RAP1A: variants seen among roughly 807,000 people sequenced by gnomAD.
RAP1A encodes ras-related protein Rap-1A.
Under a neutral mutation model 26.4 loss-of-function variants are expected in RAP1A, and 6 were observed. That is an observed-to-expected ratio of 0.23 (90% confidence interval 0.12 to 0.45). The LOEUF is 0.45. Ranked by LOEUF, RAP1A falls within the 20% of genes least tolerant of loss-of-function variation. The pLI, the probability that RAP1A is intolerant of heterozygous loss-of-function variation, is 0.99. For synonymous variants in RAP1A, 73 were observed against 79.4 expected (o/e 0.92, Z 0.43); for missense variants, 121 against 217.2 (o/e 0.56, Z 2.78).
At chr1:111,565,181 A>T (rs565524767) in intron 1 of RAP1A, among the ~76,000 whole-genome samples, 42 of 152,320 alleles carry the variant, frequency 2.8e-4, no homozygotes, top group Middle Eastern at 3.4e-3. Context: ...AATGGGAAGG[A>T]GGCCAGTGTG....
chr1:111,676,356 TA>T (rs974619123), intron 1 of RAP1A, among the ~76,000 whole-genome samples: 1 of 151,588 alleles, frequency 6.6e-6, no homozygotes, highest in Non-Finnish European at 1.5e-5. Context: ...GTCTCAAAAA[TA>T]AAAAATAAAT....
chr1:111,689,146 G>GT (rs1400052351), intron 1 of RAP1A, among the ~76,000 whole-genome samples: 3 of 151,924 alleles, frequency 2.0e-5, no homozygotes, highest in African/African-American at 7.3e-5. Flanking sequence ...AGATATATCA[G>GT]TTTTATCAAA....
intron 1 of RAP1A, among the ~76,000 whole-genome samples, chr1:111,660,976 C>G (rs920691772): frequency 4.6e-5 from 7 of 152,206 alleles, no homozygotes; most frequent in Non-Finnish European, 1.0e-4. Flanking sequence ...AACCTACATG[C>G]CATATGGACT....
At chr1:111,603,150 C>T (rs1385743838) in intron 1 of RAP1A, among the ~76,000 whole-genome samples, 4 of 152,178 alleles carry the variant, frequency 2.6e-5, no homozygotes, top group South Asian at 2.1e-4. Flanking sequence ...GGCCCTTGGA[C>T]GAGAGACTTA....
At chr1:111,616,834 C>A (rs1288278376), upstream of RAP1A, among the ~76,000 whole-genome samples, 1 of 152,160 alleles carries the variant, frequency 6.6e-6, no homozygotes, top group Non-Finnish European at 1.5e-5. Flanking sequence ...TCAGCACTGT[C>A]CATGCTAAGC....
At chr1:111,581,560 G>A (rs989537622) in intron 1 of RAP1A, among the ~76,000 whole-genome samples, 1 of 152,220 alleles carries the variant, frequency 6.6e-6, no homozygotes, top group African/African-American at 2.4e-5. Context: ...GACCAAGAAT[G>A]CAAGTGATAG....
intron 1 of RAP1A, among the ~76,000 whole-genome samples, chr1:111,653,789 AG>A (rs1274860752): frequency 6.6e-6 from 1 of 151,596 alleles, no homozygotes; most frequent in African/African-American, 2.4e-5. Context: ...AGAGGTAATG[AG>A]AGGTCAGGGA....
intron 1 of RAP1A, among the ~76,000 whole-genome samples, chr1:111,632,830 A>C (rs1048109674): frequency 6.6e-6 from 1 of 150,784 alleles, no homozygotes; most frequent in Admixed American, 6.6e-5. Context: ...CTGAGGCAGG[A>C]GAATCCCTTG....
At chr1:111,670,938 A>T (rs1216572888) in intron 1 of RAP1A, among the ~76,000 whole-genome samples, 1 of 152,216 alleles carries the variant, frequency 6.6e-6, no homozygotes, top group Non-Finnish European at 1.5e-5. Context: ...TAAATATTTT[A>T]ATCCTTTACT....
At chr1:111,565,143 G>A (rs1021835998) in intron 1 of RAP1A, among the ~76,000 whole-genome samples, 16 of 152,146 alleles carry the variant, frequency 1.1e-4, no homozygotes, top group African/African-American at 3.9e-4. Flanking sequence ...AAGGCCCTAA[G>A]CTTCACTCAT....
intron 1 of RAP1A, among the ~76,000 whole-genome samples, chr1:111,679,337 T>G (rs1325803515): frequency 1.3e-5 from 2 of 152,056 alleles, no homozygotes; most frequent in Non-Finnish European, 2.9e-5. Flanking sequence ...GACTGTGCCA[T>G]GAGGAACGGT....
At chr1:111,545,259 C>T (rs929669313) in intron 1 of RAP1A, among the ~76,000 whole-genome samples, 2 of 152,064 alleles carry the variant, frequency 1.3e-5, no homozygotes, top group African/African-American at 2.4e-5. Context: ...TGAGGATTCC[C>T]ATTTCTCCCT....
Position 111,715,979 on chromosome 1 carries a change from A to G in RAP1A, c.*3578A>G, listed in dbSNP as rs1190140740. 1.3e-5 allele frequency: 2 copies of G among 152,282 alleles called. No individual in the cohort carries two copies. The highest frequency in any genetic ancestry group is 2.9e-5 in the Non-Finnish European group (2 of 68,048). 9.4% of individuals were successfully genotyped at this position (152,282 alleles called of 1,614,324 possible). A position where few individuals can be genotyped will look rare whatever the true frequency, so the allele number is the denominator to read the frequency against. ...ACCTTGGTATTTTCCTTTGCAAGCAATCACAGCAGAATGCTAGAAAACATA... is the reference window on the plus strand; with the variant it reads ...ACCTTGGTATTTTCCTTTGCAAGCAGTCACAGCAGAATGCTAGAAAACATA... On this transcript the variant is annotated 3_prime_UTR_variant, in exon 8 of 8. Transcript: ENST00000369709.
At chr1:111,658,710 A>G (rs907738810) in intron 1 of RAP1A, among the ~76,000 whole-genome samples, 3 of 152,204 alleles carry the variant, frequency 2.0e-5, no homozygotes, top group Non-Finnish European at 4.4e-5. Context: ...GATTAAAACA[A>G]TGTCCTGCAG....
upstream of RAP1A, chr1:111,619,775 C>G: frequency 2.5e-6 from 1 of 397,280 alleles, no homozygotes; most frequent in East Asian, 3.6e-5. Context: ...CGTGCGCGTT[C>G]TGGAGGAGGC....
intron 1 of RAP1A, among the ~76,000 whole-genome samples, chr1:111,671,001 T>G (rs971159767): frequency 6.6e-5 from 10 of 152,264 alleles, no homozygotes; most frequent in African/African-American, 2.4e-4. Context: ...TCTGCTTCAG[T>G]TATACTTTAC....
chr1:111,551,693 G>T (rs1571459756), intron 1 of RAP1A, among the ~76,000 whole-genome samples: 1 of 151,842 alleles, frequency 6.6e-6, no homozygotes, highest in East Asian at 1.9e-4. Context: ...ATTTATCTAT[G>T]TAGTTATCAT....
intron 1 of RAP1A, among the ~76,000 whole-genome samples, chr1:111,639,375 T>G (rs1453722438): frequency 1.4e-5 from 2 of 142,376 alleles, no homozygotes; most frequent in Non-Finnish European, 3.1e-5. Flanking sequence ...GTAGGTTTCT[T>G]TATGAGAAAA....
rs1245270413 is a variant in RAP1A at position 111,715,163 on chromosome 1, C to G, written c.*2762C>G. ...TGGCTCAGTCTCCGCTCACTGCAAC[C>G]TCTGCCTCCCGGGTTCAAACAGTTG... is the stretch of plus-strand genomic sequence containing the variant. On this transcript the variant is annotated 3_prime_UTR_variant, in exon 8 of 8. Coordinates refer to ENST00000369709, the MANE Select transcript of RAP1A (RefSeq NM_002884.4). 6.6e-6 allele frequency: 1 copy of G among 152,134 alleles called. No individual in the cohort carries two copies. The highest frequency in any genetic ancestry group is 2.4e-5 in the African/African-American group (1 of 41,392). The allele number at this position is 152,134 out of a possible 1,614,324, so 9.4% of individuals were successfully genotyped here.
Sources: allele counts gnomAD v4.1 joint callset (sites outside exome capture counted in the v4.1 genomes callset), GRCh38; gene constraint gnomAD v4.1.1; transcripts MANE v1.5; gene names NCBI Gene and HGNC (gene_info 2026-07-23, HGNC 2026-07-21).